The following USP45 variants were observed in gnomAD, a reference collection of about 807,000 sequenced individuals.
USP45 encodes ubiquitin specific peptidase 45, also known as ubiquitin carboxyl-terminal hydrolase 45.
A neutral mutation model predicts 95.8 loss-of-function variants in USP45; 89 were observed. The ratio of observed to expected loss-of-function variants is 0.93; its 90% CI spans 0.78 to 1.11. The LOEUF is 1.11. Among genes scored for constraint, USP45 ranks in the 50% least tolerant of loss-of-function variants. USP45 has a pLI of 0.00. For missense variants in USP45, 898 were observed against 942.5 expected (o/e 0.95, Z 0.62); for synonymous variants, 281 against 316.2 (o/e 0.89, Z 1.18).
intron 5 of USP45, among the ~76,000 whole-genome samples, chr6:99,493,655 G>A (rs1453015287): frequency 6.6e-6 from 1 of 151,602 alleles, no homozygotes; most frequent in Non-Finnish European, 1.5e-5. Context: ...CCACCACTAT[G>A]TCCAGCTAAT....
intron 1 of USP45, among the ~76,000 whole-genome samples, chr6:99,513,888 T>C (rs1336310324): frequency 6.6e-6 from 1 of 152,212 alleles, no homozygotes; most frequent in Non-Finnish European, 1.5e-5. Flanking sequence ...AAATTGTGTC[T>C]GGGCACTGGA....
intron 3 of USP45, 132 bp downstream of exon 3, chr6:99,508,478 T>C (rs1393033032): frequency 8.6e-6 from 8 of 935,372 alleles, no homozygotes; most frequent in Admixed American, 3.2e-5. Flanking sequence ...TTTAAGTTCA[T>C]TCCTGGAAAA....
In USP45 at chr6:99,446,182, T is replaced by C. The variant is rs777958174; in HGVS notation, c.1590A>G (p.Pro530=). 8.7e-6 allele frequency: 14 copies of C among 1,614,070 alleles called. 1 individual carries two copies. In the South Asian group the frequency reaches 1.5e-4, roughly 18 times the overall value. Reference sequence around the variant, plus strand: ...CTGACAGAGGGTAAAGGGGTCCATCTGGCTGCACACCGGATCCACTACTGG... The same window carrying C: ...CTGACAGAGGGTAAAGGGGTCCATCCGGCTGCACACCGGATCCACTACTGG... ...FRSSSGSGVQ[P]DGPLYPLSAG... Residue 530 remains proline, a synonymous_variant, in exon 14 of 18, where the codon CCA becomes CCG. Transcript: ENST00000500704.
Position 99,510,170 on chromosome 6 carries a change from A to C in USP45, c.51T>G (p.Ser17Arg). The change falls in exon 2 of 18, where the codon AGT becomes AGG. Residue 17 changes from serine to arginine, a missense_variant. By Grantham distance (110) the Ser-to-Arg change is moderately radical (BLOSUM62 -1). Transcript: ENST00000500704. Reference sequence around the variant, plus strand: ...CATCATGAGGTACAGTAGGCCTTTTACTTCTTTTGGCTTTCTCAGGTAAAG... The same window carrying C: ...CATCATGAGGTACAGTAGGCCTTTTCCTTCTTTTGGCTTTCTCAGGTAAAG... Reference protein sequence around the residue: ...TKALPEKAKRSKRPTVPHDED... With the variant: ...TKALPEKAKRRKRPTVPHDED... 1 of 1,613,902 alleles carries C rather than the reference A, an allele frequency of 6.2e-7. No homozygotes were observed. Among genetic ancestry groups the C allele is most frequent in the Non-Finnish European group, 8.5e-7 (1 of 1,179,932 alleles).
intron 7 of USP45, among the ~76,000 whole-genome samples, chr6:99,484,366 G>T (rs1001285235): frequency 1.4e-5 from 2 of 145,256 alleles, no homozygotes; most frequent in South Asian, 4.4e-4. Context: ...CGGGGGTAGA[G>T]GGGGGGTCTC....
chr6:99,482,684 A>C, intron 8 of USP45, 69 bp downstream of exon 8: 1 of 1,414,792 alleles, frequency 7.1e-7, no homozygotes, highest in Non-Finnish European at 9.4e-7. Context: ...ACGACTATTC[A>C]TGTTAAATGA....
rs1794377874 is a variant in USP45 at position 99,488,052 on chromosome 6, T to C, written c.714+148A>G. 1.6e-5 allele frequency: 10 copies of C among 615,950 alleles called. No individual in the cohort carries two copies. In the South Asian group the frequency reaches 1.8e-4, roughly 11 times the overall value. 38.2% of individuals were successfully genotyped at this position (615,950 alleles called of 1,614,324 possible). ...AAGTTATGATTTTAGAAATTTTAAATCTGATTATTTTCACAGAATGCTTTT... is the reference window on the plus strand; with the variant it reads ...AAGTTATGATTTTAGAAATTTTAAACCTGATTATTTTCACAGAATGCTTTT... On this transcript the variant is annotated intron_variant, in intron 7 of 17. Coordinates refer to ENST00000500704, the MANE Select transcript of USP45 (RefSeq NM_001346022.3).
chr6:99,433,918 C>G lies in USP45; in HGVS notation c.*1798G>C, dbSNP rs761804199. On this transcript the variant is annotated 3_prime_UTR_variant, in exon 18 of 18. Transcript: ENST00000500704. ...CATTTGGGCAGTGGGGGGATGAAAACTGCTCTTACCAAGATGGCTGACTTG... is the reference window on the plus strand; with the variant it reads ...CATTTGGGCAGTGGGGGGATGAAAAGTGCTCTTACCAAGATGGCTGACTTG... 1.1e-4 allele frequency: 16 copies of G among 152,086 alleles called. No individual in the cohort carries two copies. The highest frequency in any genetic ancestry group is 2.1e-4 in the Non-Finnish European group (14 of 67,998). The allele number at this position is 152,086 out of a possible 1,614,324, so 9.4% of individuals were successfully genotyped here.
In USP45 at chr6:99,446,450, T is replaced by C; in HGVS notation, c.1322A>G (p.His441Arg). ...SSSKDKSQLI[H>R]DRKCIRKLSS... is the part of the protein sequence containing the mutation. ...CAATTTTCTAATACATTTTCGGTCA[T>C]GAATTAGTTGACTCTGTAAGTTGAC... is the stretch of plus-strand genomic sequence containing the variant. The change falls in exon 14 of 18, where the codon CAT becomes CGT. Residue 441 changes from histidine to arginine, a missense_variant. Transcript: ENST00000500704. 2 of 1,611,954 alleles carry C rather than the reference T, an allele frequency of 1.2e-6. No homozygotes were observed. The highest frequency in any genetic ancestry group is 1.7e-6 in the Non-Finnish European group (2 of 1,179,400).
chr6:99,461,758 AT>A (rs754623785), intron 13 of USP45: 16 of 984,668 alleles, frequency 1.6e-5, no homozygotes, highest in Non-Finnish European at 1.8e-5. Context: ...CTCTAGTATA[AT>A]TTTAAAAGAT....
chr6:99,509,921 G>A (rs992382323), intron 2 of USP45, among the ~76,000 whole-genome samples, 200 bp downstream of exon 2: 4 of 152,096 alleles, frequency 2.6e-5, no homozygotes, highest in Admixed American at 1.3e-4. Context: ...AGTGGGCCCC[G>A]TGGAATCTGC....
At chr6:99,443,142 G>A (rs554646949) in intron 15 of USP45, among the ~76,000 whole-genome samples, 30 of 151,522 alleles carry the variant, frequency 2.0e-4, no homozygotes, top group Admixed American at 1.2e-3. Flanking sequence ...GCTTAAACCC[G>A]GGAAGTGGAG....
intron 17 of USP45, among the ~76,000 whole-genome samples, chr6:99,436,091 T>G (rs1250734594): frequency 8.6e-5 from 13 of 151,978 alleles, no homozygotes; most frequent in Admixed American, 8.5e-4. Context: ...CCATGGTGGT[T>G]TGCTGCACCC....
chr6:99,448,562 T>C (rs2128560187), intron 13 of USP45, among the ~76,000 whole-genome samples: 1 of 152,308 alleles, frequency 6.6e-6, no homozygotes, highest in Non-Finnish European at 1.5e-5. Flanking sequence ...TATGTCTGAT[T>C]GCTGTACCTG....
At chr6:99,439,483 C>T (rs572596581) in intron 16 of USP45, among the ~76,000 whole-genome samples, 1 of 152,262 alleles carries the variant, frequency 6.6e-6, no homozygotes, top group African/African-American at 2.4e-5. Flanking sequence ...CACAAAACCT[C>T]CTTCTCTCAG....
At chr6:99,504,822 T>C (rs1296372717) in intron 4 of USP45, among the ~76,000 whole-genome samples, 2 of 152,216 alleles carry the variant, frequency 1.3e-5, no homozygotes, top group East Asian at 1.9e-4. Context: ...AGGCCAGGGA[T>C]GCTGGTAAAC....
chr6:99,507,513 C>G lies in USP45; in HGVS notation c.292G>C (p.Glu98Gln). The G allele has an allele frequency of 6.2e-7, 1 of 1,611,930 alleles. No homozygotes were observed. Among genetic ancestry groups the G allele is most frequent in the Non-Finnish European group, 8.5e-7 (1 of 1,178,738 alleles). ...CGFQGCGKNS[E>Q]SQHSLKHFKS... ...AAGTGCTTCAATGAATGTTGGCTTT[C>G]TGAGTTTTTACCACATCCCTGAAGA... The change falls in exon 4 of 18, where the codon GAA becomes CAA. Residue 98 changes from glutamate (E) to glutamine (Q), a missense_variant. Glu to Gln is a conservative substitution (Grantham distance 29). Transcript: ENST00000500704.
At position 99,435,624 on chromosome 6, in the gene USP45, G is replaced by A; in HGVS notation, c.*92C>T. The A allele has an allele frequency of 8.8e-7, 1 of 1,134,784 alleles. No homozygotes were observed. The highest frequency in any genetic ancestry group is 1.2e-6 in the Non-Finnish European group (1 of 824,936). The allele number at this position is 1,134,784 out of a possible 1,614,324, so 70.3% of individuals were successfully genotyped here. A position where few individuals can be genotyped will look rare whatever the true frequency, so the allele number is the denominator to read the frequency against. On this transcript the variant is annotated 3_prime_UTR_variant, in exon 18 of 18. Transcript: ENST00000500704. Reference sequence around the variant, plus strand: ...ATTTGAGGAACATGCTATTCCTACAGAAGAGGGAAGACTAGAAAGGCACAT... The same window carrying A: ...ATTTGAGGAACATGCTATTCCTACAAAAGAGGGAAGACTAGAAAGGCACAT...
At chr6:99,473,091 T>C (rs919101462) in intron 9 of USP45, among the ~76,000 whole-genome samples, 1 of 152,146 alleles carries the variant, frequency 6.6e-6, no homozygotes, top group African/African-American at 2.4e-5. Flanking sequence ...TGTCGGTTTA[T>C]TAGTTTATTC....
Sources: gnomAD v4.1 joint callset for allele counts (sites outside exome capture counted in the v4.1 genomes callset) on GRCh38, gnomAD v4.1.1 for gene constraint, MANE v1.5 for transcripts, NCBI Gene and HGNC (gene_info 2026-07-23, HGNC 2026-07-21) for gene names.